The following CNTN1 variants were observed in gnomAD, a reference collection of about 807,000 sequenced individuals.
The protein encoded by CNTN1 is contactin-1.
In CNTN1, 38 loss-of-function variants were observed where a neutral mutation model predicts 126.4. The ratio of observed to expected loss-of-function variants is 0.30; its 90% CI spans 0.23 to 0.39. CNTN1 has a LOEUF of 0.39. Among genes scored for constraint, CNTN1 ranks in the 10% least tolerant of loss-of-function variants. CNTN1 has a pLI of 1.00. For synonymous variants in CNTN1, 413 were observed against 422.6 expected, an observed-to-expected ratio of 0.98 and a Z score of 0.28; for missense variants, 1,009 against 1,248.4, an observed-to-expected ratio of 0.81 and a Z score of 2.89.
chr12:40,887,694 G>T (rs1944091857), intron 1 of CNTN1, among the ~76,000 whole-genome samples: 1 of 151,790 alleles, frequency 6.6e-6, no homozygotes. Flanking sequence ...AAATCATGCT[G>T]CTATAAAGAC....
chr12:41,006,651 C>T (rs940565507), intron 17 of CNTN1, among the ~76,000 whole-genome samples: 9 of 152,208 alleles, frequency 5.9e-5, no homozygotes, highest in South Asian at 2.1e-4. Context: ...TTAGGAGCTA[C>T]AATTCAGTAA....
chr12:40,893,046 G>A (rs1272967757), intron 1 of CNTN1, among the ~76,000 whole-genome samples: 1 of 151,680 alleles, frequency 6.6e-6, no homozygotes. Flanking sequence ...ACATTCTGAT[G>A]TAATGATTTC....
chr12:40,807,467 T>C (rs993752921), intron 1 of CNTN1, among the ~76,000 whole-genome samples: 3 of 152,090 alleles, frequency 2.0e-5, no homozygotes, highest in African/African-American at 4.8e-5. Context: ...TCTAGCCTTG[T>C]CTAAAAGCTA....
At chr12:40,882,029 A>C (rs996027283) in intron 1 of CNTN1, among the ~76,000 whole-genome samples, 3 of 151,534 alleles carry the variant, frequency 2.0e-5, no homozygotes, top group African/African-American at 7.3e-5. Context: ...GGGAAGGAAG[A>C]GATGAAGATA....
chr12:40,872,823 A>T (rs927554187), intron 1 of CNTN1, among the ~76,000 whole-genome samples: 2 of 151,904 alleles, frequency 1.3e-5, no homozygotes, highest in African/African-American at 2.4e-5. Flanking sequence ...GCCTCCCAAA[A>T]TGCCGGGATT....
chr12:40,943,638 T>G lies in CNTN1; in HGVS notation c.1421T>G (p.Ile474Ser). 6.2e-7 allele frequency: 1 copy of G among 1,601,610 alleles called. No homozygotes were observed. The highest frequency in any genetic ancestry group is 8.6e-7 in the Non-Finnish European group (1 of 1,168,936). The change falls in exon 13 of 24, where the codon ATT becomes AGT. Residue 474 changes from isoleucine (I) to serine (S), a missense_variant. Transcript: ENST00000551295. ...GATGGTAGCTTGGAAATCAACAACA[T>G]TACAAGGAATGATGGAGGTATCTAT... ...WEDGSLEINN[I>S]TRNDGGIYTC...
chr12:40,937,237 G>A (rs893615562), intron 10 of CNTN1, among the ~76,000 whole-genome samples: 1 of 151,988 alleles, frequency 6.6e-6, no homozygotes, highest in Non-Finnish European at 1.5e-5. Flanking sequence ...CAGAGACAGA[G>A]GTAAGAGTGA....
At chr12:40,976,724 A>T (rs1450852950) in intron 15 of CNTN1, among the ~76,000 whole-genome samples, 3 of 152,156 alleles carry the variant, frequency 2.0e-5, no homozygotes, top group African/African-American at 7.2e-5. Flanking sequence ...AACAAAAAAA[A>T]TAAGCAAGTA....
intron 14 of CNTN1, among the ~76,000 whole-genome samples, chr12:40,953,067 G>A (rs371278163): frequency 8.5e-5 from 13 of 152,058 alleles, no homozygotes; most frequent in East Asian, 5.8e-4. Flanking sequence ...TTAATACAGC[G>A]TCATCACTGA....
At chr12:40,885,697 T>A (rs1944006208) in intron 1 of CNTN1, among the ~76,000 whole-genome samples, 1 of 152,074 alleles carries the variant, frequency 6.6e-6, no homozygotes, top group African/African-American at 2.4e-5. Flanking sequence ...CAAAATAGTC[T>A]TAATGTCCTT....
At chr12:40,940,507 C>T (rs1946230953) in intron 12 of CNTN1, among the ~76,000 whole-genome samples, 2 of 152,098 alleles carry the variant, frequency 1.3e-5, no homozygotes, top group Admixed American at 1.3e-4. Flanking sequence ...ATTTTCTTCA[C>T]AGTAACCCAA....
intron 15 of CNTN1, chr12:40,972,658 A>G: frequency 1.0e-6 from 1 of 958,512 alleles, no homozygotes; most frequent in Non-Finnish European, 1.2e-6. Flanking sequence ...TATATTTTCT[A>G]GTCTCAATTA....
chr12:40,748,242 C>T (rs1938262736), intron 1 of CNTN1, among the ~76,000 whole-genome samples: 1 of 152,106 alleles, frequency 6.6e-6, no homozygotes, highest in Non-Finnish European at 1.5e-5. Flanking sequence ...TTGGAAGGGA[C>T]TGTCTGTAGG....
chr12:41,051,147 T>C (rs74540811), intron 23 of CNTN1, among the ~76,000 whole-genome samples: 1 of 137,034 alleles, frequency 7.3e-6, no homozygotes, highest in Non-Finnish European at 1.6e-5. Context: ...TTTGTGATCT[T>C]TTTTTTTTTT....
At chr12:40,858,396 G>T (rs1377526668) in intron 1 of CNTN1, among the ~76,000 whole-genome samples, 2 of 152,128 alleles carry the variant, frequency 1.3e-5, no homozygotes, top group East Asian at 1.9e-4. Context: ...ATGAAAAAAA[G>T]CTGAACATCA....
At chr12:40,920,617 C>T (rs904700408) in intron 4 of CNTN1, among the ~76,000 whole-genome samples, 1 of 152,108 alleles carries the variant, frequency 6.6e-6, no homozygotes, top group Non-Finnish European at 1.5e-5. Context: ...ATTATACTAA[C>T]CTTGGTAATC....
chr12:40,714,688 A>G (rs1336229841), intron 1 of CNTN1, among the ~76,000 whole-genome samples: 2 of 152,138 alleles, frequency 1.3e-5, no homozygotes, highest in Non-Finnish European at 2.9e-5. Flanking sequence ...AGCAACTAAA[A>G]TGCAAGATTA....
At chr12:40,799,507 C>A (rs1454451076) in intron 1 of CNTN1, among the ~76,000 whole-genome samples, 1 of 151,886 alleles carries the variant, frequency 6.6e-6, no homozygotes, top group South Asian at 2.1e-4. Context: ...CATTTTTTGG[C>A]AGAACATAAC....
chr12:40,728,309 G>T (rs373008975), intron 1 of CNTN1, among the ~76,000 whole-genome samples: 1 of 152,046 alleles, frequency 6.6e-6, no homozygotes, highest in Non-Finnish European at 1.5e-5. Flanking sequence ...TGCCTGTCCC[G>T]CTCCATAGTA....
Sources: gnomAD v4.1 joint callset for allele counts (sites outside exome capture counted in the v4.1 genomes callset) on GRCh38, gnomAD v4.1.1 for gene constraint, MANE v1.5 for transcripts, NCBI Gene and HGNC (gene_info 2026-07-23, HGNC 2026-07-21) for gene names.